Variants in GNAT1 observed in about 807,000 individuals in gnomAD.
GNAT1 encodes the protein G protein subunit alpha transducin 1, also known as guanine nucleotide-binding protein G(t) subunit alpha-1.
GNAT1 carries 36 observed loss-of-function variants against 40.0 expected under a neutral mutation model. That is an observed-to-expected ratio of 0.90 (90% confidence interval 0.69 to 1.19). The LOEUF is 1.19. Ranked by LOEUF, GNAT1 falls within the 50% of genes most tolerant of loss-of-function variation. GNAT1 has a pLI of 0.00. For missense variants in GNAT1, 413 were observed against 480.6 expected (o/e 0.86, Z 1.32); for synonymous variants, 195 against 192.9 (o/e 1.01, Z -0.09).
rs1291624226 is a variant in GNAT1, at chr3:50,194,647, C to T, written c.855C>T (p.Asp285=). The T allele has an allele frequency of 6.2e-7, 1 of 1,613,124 alleles. No individual in the cohort carries two copies. The highest frequency in any genetic ancestry group is 1.3e-5 in the African/African-American group (1 of 74,906). ...KKAHLSICFP[D]YDGPNTYEDA... ...CGCACCTCAGCATCTGTTTCCCGGA[C>T]TACGATGGTGAGAAGTCCGCAAGGC... The change falls in exon 7 of 9, where the codon GAC becomes GAT. Residue 285 remains aspartate (D), a synonymous_variant. Transcript: ENST00000232461. The surrounding 1 kb of genome is among the most constrained non-coding windows in gnomAD (Gnocchi z 6.1).
rs2109139841 is a variant in GNAT1, at chr3:50,194,572, C to T, written c.780C>T (p.Ile260=). The T allele has an allele frequency of 6.2e-7, 1 of 1,613,596 alleles. No individual in the cohort carries two copies. The highest frequency in any genetic ancestry group is 8.5e-7 in the Non-Finnish European group (1 of 1,179,600). Residue 260 remains isoleucine, a synonymous_variant, in exon 7 of 9, where the codon ATC becomes ATT. Coordinates refer to ENST00000232461, the MANE Select transcript of GNAT1 (RefSeq NM_144499.3). The surrounding 1 kb of genome is among the most constrained non-coding windows in gnomAD (Gnocchi z 6.1). ...CNHRYFATTS[I]VLFLNKKDVF... ...ACCGCTACTTCGCCACGACGTCCAT[C>T]GTGCTCTTCCTTAACAAGAAGGACG...
chr3:50,197,370 T>G lies in GNAT1; in HGVS notation c.*2104T>G, dbSNP rs891638520. Among the ~76,000 whole-genome samples, 1 of 152,034 alleles carries G rather than the reference T, an allele frequency of 6.6e-6. No individual in the cohort carries two copies. Among genetic ancestry groups the G allele is most frequent in the African/African-American group, 2.4e-5 (1 of 41,390 alleles). On this transcript the variant is annotated 3_prime_UTR_variant, in exon 9 of 9. Transcript: ENST00000232461. The stretch of plus-strand genomic sequence containing the variant: ...CTGTAACTCTGTACCCATGAAAAAA[T>G]AACCCCCCATTCCTGCCTTCCCCCG...
At position 50,193,718 on chromosome 3, in the gene GNAT1, GC is replaced by G. The variant is rs887471908; in HGVS notation, c.450-33del. On this transcript the variant is annotated intron_variant, in intron 4 of 8. Coordinates refer to ENST00000232461, the MANE Select transcript of GNAT1 (RefSeq NM_144499.3). This position sits in a 1 kb window ranked among gnomAD's most constrained non-coding sequence, Gnocchi z 8.1. ...GCGCGGGGCGCAGGGGGCCCTCCAC[GC>G]CTCCCCACCCACCTACGGCCGGGTC... The G allele has an allele frequency of 1.9e-6, 3 of 1,599,108 alleles. No individual in the cohort carries two copies. In the African/African-American group the frequency reaches 4.0e-5, roughly 21 times the overall value.
In GNAT1 at chr3:50,194,770, A is replaced by C. The variant is rs954449962; in HGVS notation, c.868A>C (p.Asn290His). The stretch of plus-strand genomic sequence containing the variant: ...GAGAGCTCCCGCCCCCGCAGGACCC[A>C]ACACCTACGAGGACGCCGGCAACTA... ...SICFPDYDGP[N>H]TYEDAGNYIK... Residue 290 changes from asparagine to histidine, a missense_variant, in exon 8 of 9, where the codon AAC becomes CAC. Transcript: ENST00000232461. This position sits in a 1 kb window ranked among gnomAD's most constrained non-coding sequence, Gnocchi z 6.1. 1.9e-6 allele frequency: 3 copies of C among 1,613,522 alleles called. No individual in the cohort carries two copies. The Admixed American group carries it at 5.0e-5, about 27-fold the overall frequency.
At position 50,193,948 on chromosome 3, in the gene GNAT1, C is replaced by A; in HGVS notation, c.578+67C>A. 1.9e-6 allele frequency: 3 copies of A among 1,604,750 alleles called. No individual in the cohort carries two copies. The highest frequency in any genetic ancestry group is 2.6e-6 in the Non-Finnish European group (3 of 1,172,258). ...CCCGTCCTGCCCCGGGGACCCCATC[C>A]CTGCGATAGACCCTGCCCCTTCCCT... On this transcript the variant is annotated intron_variant, in intron 5 of 8. Transcript: ENST00000232461. The surrounding 1 kb of genome is among the most constrained non-coding windows in gnomAD (Gnocchi z 8.1).
rs199611280 is a variant in GNAT1 at position 50,193,588 on chromosome 3, G to A, written c.374G>A (p.Arg125Gln). Residue 125 changes from arginine to glutamine, a missense_variant, in exon 4 of 9, where the codon CGG becomes CAG. Physicochemically the swap from Arg to Gln is conservative, Grantham distance 43 (BLOSUM62 1). Transcript: ENST00000232461. The surrounding 1 kb of genome is among the most constrained non-coding windows in gnomAD (Gnocchi z 8.1). ...MPKEMSDIIQ[R>Q]LWKDSGIQAC... Reference sequence around the variant, plus strand: ...AAGGAGATGTCGGACATCATCCAGCGGCTGTGGAAGGACTCCGGTATCCAG... The same window carrying A: ...AAGGAGATGTCGGACATCATCCAGCAGCTGTGGAAGGACTCCGGTATCCAG... 232 of 1,612,886 alleles carry A rather than the reference G, an allele frequency of 1.4e-4. No individual in the cohort carries two copies. The highest frequency in any genetic ancestry group is 1.8e-4 in the Non-Finnish European group (213 of 1,179,880).
rs765861017 is a variant in GNAT1 at position 50,194,880 on chromosome 3, G to T, written c.978G>T (p.Gln326His). The change falls in exon 8 of 9, where the codon CAG (glutamine) becomes CAT (histidine). Residue 326 changes from glutamine (Q) to histidine (H), a missense_variant. Gln to His is a conservative substitution (Grantham distance 24). Transcript: ENST00000232461. This position sits in a 1 kb window ranked among gnomAD's most constrained non-coding sequence, Gnocchi z 6.1. ...ACATGACGTGCGCCACCGACACGCA[G>T]AACGTCAAATTTGTCTTCGACGCTG... ...YSHMTCATDTQNVKFVFDAVT... is the reference protein window; with the variant it reads ...YSHMTCATDTHNVKFVFDAVT... 7 of 1,613,958 alleles carry T rather than the reference G, an allele frequency of 4.3e-6. No homozygotes were observed. The highest frequency in any genetic ancestry group is 5.9e-6 in the Non-Finnish European group (7 of 1,179,958).
chr3:50,192,666 C>A lies in GNAT1; in HGVS notation c.107-467C>A, dbSNP rs985669579. 4.5e-5 allele frequency: 12 copies of A among 266,544 alleles called. 1 individual carries two copies. The South Asian group carries it at 4.8e-4, about 11-fold the overall frequency. The allele number at this position is 266,544 out of a possible 1,614,324, so 16.5% of individuals were successfully genotyped here. A position where few individuals can be genotyped will look rare whatever the true frequency, so the allele number is the denominator to read the frequency against. On this transcript the variant is annotated intron_variant, in intron 1 of 8. Transcript: ENST00000232461. The stretch of plus-strand genomic sequence containing the variant: ...AAAGGATGTCAACTCTGCCCTCCCT[C>A]CTACCCAAAAGAGCTAATTCCCTCT...
In GNAT1 at chr3:50,194,905, G is replaced by A. The variant is rs140221218; in HGVS notation, c.1003G>A (p.Val335Ile). Residue 335 changes from valine to isoleucine, a missense_variant, in exon 8 of 9, where the codon GTC becomes ATC. Physicochemically the swap from Val to Ile is conservative, Grantham distance 29. Coordinates refer to ENST00000232461, the MANE Select transcript of GNAT1 (RefSeq NM_144499.3). The surrounding 1 kb of genome is among the most constrained non-coding windows in gnomAD (Gnocchi z 6.1). ...TQNVKFVFDAVTDIIIKENLK... is the reference protein window; with the variant it reads ...TQNVKFVFDAITDIIIKENLK... ...GAACGTCAAATTTGTCTTCGACGCT[G>A]TCACCGACATCATCATCAAGGAGAA... is the stretch of plus-strand genomic sequence containing the variant. 4.3e-6 allele frequency: 7 copies of A among 1,613,898 alleles called. No homozygotes were observed. Among genetic ancestry groups the A allele is most frequent in the Non-Finnish European group, 5.9e-6 (7 of 1,179,940 alleles).
At position 50,194,216 on chromosome 3, in the gene GNAT1, G is replaced by A. The variant is rs1306113271; in HGVS notation, c.703G>A (p.Glu235Lys). Residue 235 changes from glutamate (E) to lysine (K), a missense_variant, in exon 6 of 9, where the codon GAA becomes AAA. Physicochemically the swap from Glu to Lys is moderately conservative, Grantham distance 56. Coordinates refer to ENST00000232461, the MANE Select transcript of GNAT1 (RefSeq NM_144499.3). This position sits in a 1 kb window ranked among gnomAD's most constrained non-coding sequence, Gnocchi z 6.1. ...AYDMVLVEDDEVNRMHESLHL... is the reference protein window; with the variant it reads ...AYDMVLVEDDKVNRMHESLHL... ...CGACATGGTGCTAGTGGAGGACGACGAAGTGGTGCGTGCCAGGCAGGGCCT... is the reference window on the plus strand; with the variant it reads ...CGACATGGTGCTAGTGGAGGACGACAAAGTGGTGCGTGCCAGGCAGGGCCT... 6.2e-7 allele frequency: 1 copy of A among 1,606,906 alleles called. No homozygotes were observed. Among genetic ancestry groups the A allele is most frequent in the Non-Finnish European group, 8.5e-7 (1 of 1,176,648 alleles).
chr3:50,192,540 G>T (rs2109137948), intron 1 of GNAT1: 1 of 179,096 alleles, frequency 5.6e-6, no homozygotes, highest in African/African-American at 2.4e-5. Flanking sequence ...CCAGCTGGAG[G>T]TGGGTGAGGG....
In GNAT1 at chr3:50,193,238, C is replaced by T. The variant is rs376261970; in HGVS notation, c.150-27C>T. On this transcript the variant is annotated intron_variant, in intron 2 of 8. Coordinates refer to ENST00000232461, the MANE Select transcript of GNAT1 (RefSeq NM_144499.3). The surrounding 1 kb of genome is among the most constrained non-coding windows in gnomAD (Gnocchi z 8.1). ...GGTCCTTCCCCACTTCCCCACGAGG[C>T]GCTGATTCTGCTCTCCTCGGCCTCA... The T allele has an allele frequency of 6.2e-7, 1 of 1,614,110 alleles. No homozygotes were observed. The highest frequency in any genetic ancestry group is 1.3e-5 in the African/African-American group (1 of 75,056).
intron 8 of GNAT1, 96 bp from the exon 9 acceptor site, chr3:50,195,172 C>G (rs1417904555): frequency 1.7e-6 from 1 of 601,736 alleles, no homozygotes; most frequent in Admixed American, 2.8e-5. Context: ...CCCAAGACCT[C>G]AGGTGTCACA....
intron 8 of GNAT1, 100 bp from the exon 9 acceptor site, chr3:50,195,168 A>T (rs1699483349): frequency 3.3e-6 from 2 of 601,112 alleles, no homozygotes; most frequent in East Asian, 5.6e-5. Flanking sequence ...CCGCCCCAAG[A>T]CCTCAGGTGT....
rs771466852 is a variant in GNAT1, at chr3:50,193,656, G to T, written c.442G>T (p.Ala148Ser). Residue 148 changes from alanine to serine, a missense_variant, in exon 4 of 9, where the codon GCG becomes TCG. Coordinates refer to ENST00000232461, the MANE Select transcript of GNAT1 (RefSeq NM_144499.3). This position sits in a 1 kb window ranked among gnomAD's most constrained non-coding sequence, Gnocchi z 8.1. Reference protein sequence around the residue: ...RASEYQLNDSAGYYLSDLERL... With the variant: ...RASEYQLNDSSGYYLSDLERL... ...CTCGGAGTACCAGCTCAACGACTCG[G>T]CGGGCTAGTGAGCGCGCGGGCAGCG... 8.1e-6 allele frequency: 13 copies of T among 1,611,450 alleles called. No individual in the cohort carries two copies. Among genetic ancestry groups the T allele is most frequent in the Admixed American group, 6.7e-5 (4 of 59,990 alleles).
chr3:50,192,345 AG>A (rs1220783940), intron 1 of GNAT1, among the ~76,000 whole-genome samples: 2 of 152,158 alleles, frequency 1.3e-5, no homozygotes, highest in Admixed American at 6.5e-5. Context: ...AGACCTACAA[AG>A]CAGCCAGAGG....
rs925321276 is a variant in GNAT1, at chr3:50,197,684, G to T, written c.*2418G>T. Among the ~76,000 whole-genome samples, 1 of 151,328 alleles carries T rather than the reference G, an allele frequency of 6.6e-6. No homozygotes were observed. Among genetic ancestry groups the T allele is most frequent in the Non-Finnish European group, 1.5e-5 (1 of 67,936 alleles). ...GAATAATGCTGCTATGAACATGGGT[G>T]TACAAATCTCTCTCCCAGCCTCTGT... On this transcript the variant is annotated 3_prime_UTR_variant, in exon 9 of 9. Coordinates refer to ENST00000232461, the MANE Select transcript of GNAT1 (RefSeq NM_144499.3).
rs1438291843 is a variant in GNAT1, at chr3:50,193,655, G to C, written c.441G>C (p.Ser147=). The part of the protein sequence containing the change: ...ERASEYQLND[S]AGYYLSDLER... ...CCTCGGAGTACCAGCTCAACGACTC[G>C]GCGGGCTAGTGAGCGCGCGGGCAGC... Residue 147 remains serine, a synonymous_variant, in exon 4 of 9, where the codon TCG becomes TCC. Transcript: ENST00000232461. The surrounding 1 kb of genome is among the most constrained non-coding windows in gnomAD (Gnocchi z 8.1). The C allele has an allele frequency of 1.2e-6, 2 of 1,611,658 alleles. No homozygotes were observed. The highest frequency in any genetic ancestry group is 1.7e-6 in the Non-Finnish European group (2 of 1,179,672).
At position 50,191,781 on chromosome 3, in the gene GNAT1, T is replaced by C; in HGVS notation, c.56T>C (p.Leu19Pro). The change falls in exon 1 of 9, where the codon CTG (leucine) becomes CCG (proline). Residue 19 changes from leucine to proline, a missense_variant. By Grantham distance (98) the Leu-to-Pro change is moderately conservative. Transcript: ENST00000232461. ...EKHSRELEKK[L>P]KEDAEKDART... ...CACTCCAGGGAGCTGGAAAAGAAGC[T>C]GAAAGAGGACGCTGAGAAGGATGCT... 1 of 1,614,008 alleles carries C rather than the reference T, an allele frequency of 6.2e-7. No individual in the cohort carries two copies. Among genetic ancestry groups the C allele is most frequent in the Non-Finnish European group, 8.5e-7 (1 of 1,179,912 alleles).
Sources: gnomAD v4.1 joint callset for allele counts (sites outside exome capture counted in the v4.1 genomes callset) on GRCh38, gnomAD v4.1.1 for gene constraint, Gnocchi (gnomAD v3.1) non-coding constraint, MANE v1.5 for transcripts, NCBI Gene and HGNC (gene_info 2026-07-23, HGNC 2026-07-21) for gene names.